The following BTLA variants were observed in gnomAD, a reference collection of about 807,000 sequenced individuals.
BTLA encodes the protein B- and T-lymphocyte attenuator.
In BTLA, 11 loss-of-function variants were observed where a neutral mutation model predicts 25.0. The ratio of observed to expected loss-of-function variants is 0.44; its 90% CI spans 0.28 to 0.73. The LOEUF (loss-of-function observed/expected upper bound fraction) is 0.73. Ranked by LOEUF, BTLA falls within the 30% of genes least tolerant of loss-of-function variation. The probability of loss-of-function intolerance (pLI) is 0.15; values close to 1 mark genes in which losing one functional copy is unlikely to be tolerated. For missense variants in BTLA, 282 were observed against 332.8 expected, an observed-to-expected ratio of 0.85 and a Z score of 1.19; for synonymous variants, 104 against 119.8, an observed-to-expected ratio of 0.87 and a Z score of 0.86.
chr3:112,484,704 C>T (rs1316397174), intron 1 of BTLA, among the ~76,000 whole-genome samples: 1 of 152,194 alleles, frequency 6.6e-6, no homozygotes, highest in Non-Finnish European at 1.5e-5. Flanking sequence ...TGCTCCGGAG[C>T]AGTGCGCAAA....
intron 2 of BTLA, among the ~76,000 whole-genome samples, chr3:112,474,226 A>C (rs188323293): frequency 3.7e-4 from 56 of 152,356 alleles, no homozygotes; most frequent in Non-Finnish European, 3.5e-4. Flanking sequence ...GGAAAAAATA[A>C]AATATTTTTT....
chr3:112,495,583 C>T (rs764561195), intron 1 of BTLA, among the ~76,000 whole-genome samples: 4 of 152,176 alleles, frequency 2.6e-5, no homozygotes, highest in Non-Finnish European at 2.9e-5. Context: ...AGTCCTGTAA[C>T]CACAGAATGC....
At position 112,479,684 on chromosome 3, in the gene BTLA, G is replaced by A. The variant is rs1218137638; in HGVS notation, c.174C>T (p.Cys58=). 3 of 1,613,812 alleles carry A rather than the reference G, an allele frequency of 1.9e-6. No homozygotes were observed. Among genetic ancestry groups the A allele is most frequent in the Non-Finnish European group, 2.5e-6 (3 of 1,179,858 alleles). ...ILAGDPFELE[C]PVKYCANRPH... ...GCCTGTTAGCACAGTATTTCACAGG[G>A]CATTCTAGTTCAAAGGGATCTCCTG... The change falls in exon 2 of 5, where the codon TGC becomes TGT. Residue 58 remains cysteine, a synonymous_variant. Coordinates refer to ENST00000334529, the MANE Select transcript of BTLA (RefSeq NM_181780.4).
At position 112,469,742 on chromosome 3, in the gene BTLA, G is replaced by A. The variant is rs2107309501; in HGVS notation, c.594+16C>T. ...AACACAAATTGCATTTGTTTCAACAGCTACATCAAGCTTACCAGGTTAATT... is the reference window on the plus strand; with the variant it reads ...AACACAAATTGCATTTGTTTCAACAACTACATCAAGCTTACCAGGTTAATT... On this transcript the variant is annotated intron_variant, in intron 4 of 4. Coordinates refer to ENST00000334529, the MANE Select transcript of BTLA (RefSeq NM_181780.4). The A allele has an allele frequency of 1.3e-6, 2 of 1,592,626 alleles. No homozygotes were observed. Among genetic ancestry groups the A allele is most frequent in the Admixed American group, 3.4e-5 (2 of 58,382 alleles).
At chr3:112,491,569 A>G (rs2082380174) in intron 1 of BTLA, among the ~76,000 whole-genome samples, 1 of 152,216 alleles carries the variant, frequency 6.6e-6, no homozygotes, top group Non-Finnish European at 1.5e-5. Flanking sequence ...ACTTTAACCC[A>G]GGTGTGGCTA....
intron 4 of BTLA, among the ~76,000 whole-genome samples, chr3:112,467,115 G>A (rs967466857): frequency 2.6e-5 from 4 of 151,804 alleles, no homozygotes; most frequent in African/African-American, 4.8e-5. Context: ...CCGCCACCTC[G>A]CCCGGCTAAT....
chr3:112,481,010 T>C (rs1277679602), intron 1 of BTLA, among the ~76,000 whole-genome samples: 1 of 152,152 alleles, frequency 6.6e-6, no homozygotes, highest in Non-Finnish European at 1.5e-5. Context: ...GTTATCTACT[T>C]CCAAAATATA....
intron 1 of BTLA, among the ~76,000 whole-genome samples, chr3:112,498,568 C>CTTTTTTT (rs34606026): frequency 1.5e-4 from 13 of 83,872 alleles, no homozygotes; most frequent in African/African-American, 4.8e-4. Flanking sequence ...AAGAAATTGC[C>CTTTTTTT]TTTTTTTTTT....
At chr3:112,497,383 T>C (rs1385996315) in intron 1 of BTLA, among the ~76,000 whole-genome samples, 1 of 152,146 alleles carries the variant, frequency 6.6e-6, no homozygotes, top group Non-Finnish European at 1.5e-5. Context: ...TGCCATACAG[T>C]AAGTGGCAGA....
chr3:112,474,339 G>A (rs949103926), intron 2 of BTLA, among the ~76,000 whole-genome samples: 2 of 151,862 alleles, frequency 1.3e-5, no homozygotes, highest in African/African-American at 4.8e-5. Context: ...GCACTTTCAG[G>A]TTCAGAAGGA....
Position 112,466,137 on chromosome 3 carries a change from C to A in BTLA, c.841G>T (p.Glu281Ter). The part of the protein sequence containing the change: ...LARNVKEAPT[E>*]YASICVRS The stretch of plus-strand genomic sequence containing the variant: ...CTCCTCACACATATGGATGCATATT[C>A]TGTTGGTGCTTCTTTTACATTTCTT... The change falls in exon 5 of 5, where the codon GAA becomes TAA. Residue 281 changes from glutamate to a stop codon, truncating the protein, a stop_gained. Transcript: ENST00000334529. LOFTEE classifies it high-confidence loss of function. 6.2e-7 allele frequency: 1 copy of A among 1,607,424 alleles called. No homozygotes were observed. The highest frequency in any genetic ancestry group is 8.5e-7 in the Non-Finnish European group (1 of 1,174,808).
intron 1 of BTLA, among the ~76,000 whole-genome samples, chr3:112,495,154 T>C (rs1170230527): frequency 6.6e-6 from 1 of 152,216 alleles, no homozygotes; most frequent in Non-Finnish European, 1.5e-5. Flanking sequence ...CTCCCATTTT[T>C]TTAGATGAGA....
intron 1 of BTLA, among the ~76,000 whole-genome samples, chr3:112,485,363 A>G (rs755027440): frequency 6.6e-5 from 10 of 152,092 alleles, no homozygotes; most frequent in Admixed American, 1.3e-4. Flanking sequence ...CACAATTCTA[A>G]TTGTCCATCT....
intron 1 of BTLA, among the ~76,000 whole-genome samples, chr3:112,487,189 C>G (rs2082353051): frequency 6.6e-6 from 1 of 152,184 alleles, no homozygotes; most frequent in African/African-American, 2.4e-5. Context: ...TATCATAAAA[C>G]TCAACAGTAA....
intron 2 of BTLA, 112 bp downstream of exon 2, chr3:112,479,343 A>G (rs1490249561): frequency 3.1e-6 from 3 of 975,664 alleles, no homozygotes; most frequent in Non-Finnish European, 4.7e-6. Context: ...AGCAGATTTC[A>G]GATGTGCTAT....
chr3:112,477,471 G>A (rs1236457486), intron 2 of BTLA, among the ~76,000 whole-genome samples: 2 of 150,424 alleles, frequency 1.3e-5, no homozygotes, highest in Non-Finnish European at 3.0e-5. Flanking sequence ...TATGTTTATT[G>A]GCCATTTGTA....
At chr3:112,474,812 T>C (rs1008984870) in intron 2 of BTLA, among the ~76,000 whole-genome samples, 1 of 152,118 alleles carries the variant, frequency 6.6e-6, no homozygotes, top group African/African-American at 2.4e-5. Context: ...ATGATGGAGA[T>C]GTGGTTATGG....
In BTLA at chr3:112,464,462, T is replaced by C. The variant is rs181984803; in HGVS notation, c.*1646A>G. 483 of 276,734 alleles carry C rather than the reference T, an allele frequency of 1.7e-3. 5 individuals are homozygous for C. Among genetic ancestry groups the C allele is most frequent in the African/African-American group, 9.5e-3 (439 of 46,260 alleles). The allele number at this position is 276,734 out of a possible 1,614,324, so 17.1% of individuals were successfully genotyped here. ...CTTTCTTACATAAGTTGTCCACAAA[T>C]GCAGCCTGGCTAAAACAGCCTATCT... On this transcript the variant is annotated 3_prime_UTR_variant, in exon 5 of 5. Coordinates refer to ENST00000334529, the MANE Select transcript of BTLA (RefSeq NM_181780.4).
At chr3:112,466,560 G>T (rs946048674) in intron 4 of BTLA, among the ~76,000 whole-genome samples, 177 bp from the exon 5 acceptor site, 1 of 152,168 alleles carries the variant, frequency 6.6e-6, no homozygotes, top group Non-Finnish European at 1.5e-5. Context: ...ATTATTAAAG[G>T]ATGAAAGGCT....
Sources: allele counts gnomAD v4.1 joint callset (sites outside exome capture counted in the v4.1 genomes callset), GRCh38; gene constraint gnomAD v4.1.1; transcripts MANE v1.5; gene names NCBI Gene and HGNC (gene_info 2026-07-23, HGNC 2026-07-21).